UPRT: variants seen among roughly 807,000 people sequenced by gnomAD.
The protein encoded by UPRT is RP11-311P8.3.
Under a neutral mutation model 22.6 loss-of-function variants are expected in UPRT, and 5 were observed. The ratio of observed to expected loss-of-function variants is 0.22; its 90% confidence interval spans 0.12 to 0.47. UPRT has a LOEUF of 0.47. UPRT is among the 20% of genes least tolerant of loss of function. The probability of loss-of-function intolerance (pLI) is 0.99; values close to 1 mark genes in which losing one functional copy is unlikely to be tolerated. For missense variants in UPRT, 181 were observed against 239.9 expected (o/e 0.75, Z 1.62); for synonymous variants, 77 against 87.7 (o/e 0.88, Z 0.68).
intron 4 of UPRT, among the ~76,000 whole-genome samples, chrX:75,203,207 T>C (rs2082352189): frequency 9.0e-6 from 1 of 111,317 alleles, no homozygotes; most frequent in African/African-American, 3.3e-5. Context: ...AGAAGGGCCT[T>C]ACATAATGGT....
intron 4 of UPRT, among the ~76,000 whole-genome samples, chrX:75,236,938 G>C (rs1413361773): frequency 8.9e-6 from 1 of 112,216 alleles, no homozygotes; most frequent in Non-Finnish European, 1.9e-5. Flanking sequence ...AAAAGCCAAA[G>C]TTGACAAATG....
chrX:75,221,213 T>C (rs986355939), intron 4 of UPRT, among the ~76,000 whole-genome samples: 7 of 111,202 alleles, frequency 6.3e-5, no homozygotes, highest in African/African-American at 2.3e-4. Flanking sequence ...TTGTTTGTTT[T>C]TTTTTTCTTT....
intron 4 of UPRT, among the ~76,000 whole-genome samples, chrX:75,255,517 T>C (rs756688726): frequency 9.0e-6 from 1 of 111,665 alleles, no homozygotes; most frequent in African/African-American, 3.2e-5. Flanking sequence ...ATCTCAATAC[T>C]AACATTGAAT....
intron 4 of UPRT, among the ~76,000 whole-genome samples, chrX:75,170,943 G>A (rs1212554263): frequency 2.7e-5 from 3 of 111,567 alleles, no homozygotes; most frequent in South Asian, 3.8e-4. Context: ...AGAAATCTGC[G>A]TTATTCTGAT....
At chrX:75,159,048 G>T (rs2082191422) in intron 1 of UPRT, among the ~76,000 whole-genome samples, 1 of 111,646 alleles carries the variant, frequency 9.0e-6, no homozygotes, top group African/African-American at 3.3e-5. Flanking sequence ...CTGTACTATA[G>T]AACACTAGAT....
chrX:75,292,407 A>G (rs1362759997), intron 1 of UPRT, among the ~76,000 whole-genome samples: 1 of 111,692 alleles, frequency 9.0e-6, no homozygotes, highest in Non-Finnish European at 1.9e-5. Flanking sequence ...TGCTGTTGCT[A>G]AATTGTGGTT....
At position 75,299,860 on chromosome X, in the gene UPRT, T is replaced by A; in HGVS notation, c.688T>A (p.Tyr230Asn). ...TTATGCCAAATTCCCCCCAGACATTTACCGGAGAAAAGTCCTTCTGATGTA... is the reference window on the plus strand; with the variant it reads ...TTATGCCAAATTCCCCCCAGACATTAACCGGAGAAAAGTCCTTCTGATGTA... ...VYYAKFPPDIYRRKVLLMYPI... is the reference protein window; with the variant it reads ...VYYAKFPPDINRRKVLLMYPI... The change falls in exon 5 of 7, where the codon TAC becomes AAC. Residue 230 changes from tyrosine (Y) to asparagine (N), a missense_variant. This residue lies in a region of UPRT where 70 missense variants were observed against 137.0 expected (regional missense o/e 0.51). Coordinates refer to ENST00000373383, the MANE Select transcript of UPRT (RefSeq NM_145052.4). 8.3e-7 allele frequency: 1 copy of A among 1,211,815 alleles called. No individual in the cohort carries two copies. The highest frequency in any genetic ancestry group is 1.1e-6 in the Non-Finnish European group (1 of 895,508).
rs184564496 is a variant in UPRT at position 75,231,652 on chromosome X, G to T, written c.-446-59372G>T. On this transcript the variant is annotated intron_variant, in intron 4 of 13. Coordinates refer to the UPRT transcript ENST00000652605. ...CATCACCTAGGAACACAGTCATCAG[G>T]TTATCTAAAGTCAAGACAAAGAAAA... 2.7e-5 allele frequency among the ~76,000 whole-genome samples: 3 copies of T among 111,731 alleles called. No individual in the cohort carries two copies. In the East Asian group the frequency reaches 8.5e-4, roughly 31 times the overall value.
chrX:75,232,313 C>G (rs1360235851), intron 4 of UPRT, among the ~76,000 whole-genome samples: 4 of 112,629 alleles, frequency 3.6e-5, no homozygotes, highest in Non-Finnish European at 7.5e-5. Context: ...TTGCTGATTG[C>G]TAGCACAGCA....
At chrX:75,196,359 AT>A (rs2082332653) in intron 4 of UPRT, among the ~76,000 whole-genome samples, 1 of 111,724 alleles carries the variant, frequency 9.0e-6, no homozygotes, top group Admixed American at 9.5e-5. Flanking sequence ...TGTTTTGATA[AT>A]GAGTAAATTT....
intron 4 of UPRT, among the ~76,000 whole-genome samples, chrX:75,233,761 G>T (rs1426951917): frequency 1.8e-5 from 2 of 110,758 alleles, no homozygotes; most frequent in Admixed American, 9.6e-5. Context: ...CACCAGGCCT[G>T]CCCTAAAAGA....
At chrX:75,193,086 T>A (rs772066022) in intron 4 of UPRT, among the ~76,000 whole-genome samples, 23 of 112,359 alleles carry the variant, frequency 2.0e-4, no homozygotes, top group Non-Finnish European at 4.3e-4. Flanking sequence ...TTAAGTATGT[T>A]TTTGTAGTTG....
At chrX:75,178,902 T>C (rs932567876) in intron 4 of UPRT, among the ~76,000 whole-genome samples, 2 of 111,958 alleles carry the variant, frequency 1.8e-5, no homozygotes, top group African/African-American at 3.2e-5. Flanking sequence ...TTTTATTCTC[T>C]TATCTGGCCT....
chrX:75,256,972 C>T (rs992593867), intron 4 of UPRT, among the ~76,000 whole-genome samples: 5 of 111,893 alleles, frequency 4.5e-5, no homozygotes, highest in Non-Finnish European at 9.4e-5. Context: ...CCTACTGACA[C>T]TATTCCACAA....
intron 4 of UPRT, among the ~76,000 whole-genome samples, chrX:75,202,512 A>T (rs1259384421): frequency 8.9e-6 from 1 of 112,431 alleles, no homozygotes; most frequent in Non-Finnish European, 1.9e-5. Flanking sequence ...TAAATAAAAA[A>T]GGAGAAAAAA....
chrX:75,224,895 C>T (rs1405296154), intron 4 of UPRT, among the ~76,000 whole-genome samples: 1 of 111,572 alleles, frequency 9.0e-6, no homozygotes, highest in African/African-American at 3.3e-5. Flanking sequence ...GCAAATAAAT[C>T]AAGCTCCTTG....
chrX:75,161,959 G>T (rs1030021827), intron 2 of UPRT, among the ~76,000 whole-genome samples: 2 of 111,300 alleles, frequency 1.8e-5, no homozygotes, highest in African/African-American at 6.5e-5. Flanking sequence ...AATCTTGTGG[G>T]AATTTCGTAG....
chrX:75,168,790 A>G (rs1412981229), intron 4 of UPRT, among the ~76,000 whole-genome samples: 1 of 111,433 alleles, frequency 9.0e-6, no homozygotes, highest in Non-Finnish European at 1.9e-5. Context: ...AGGCCTCCCA[A>G]AGTGCTGGGA....
rs1308436268 is a variant in UPRT at position 75,184,164 on chromosome X, G to A, written c.-447+16285G>A. Among the ~76,000 whole-genome samples, 6 of 111,014 alleles carry A rather than the reference G, an allele frequency of 5.4e-5. No individual in the cohort carries two copies. In the East Asian group the frequency reaches 8.4e-4, roughly 16 times the overall value. The stretch of plus-strand genomic sequence containing the variant: ...GGGTTTTTATGGTTTTAGGTCGAAC[G>A]TTTAAGTCTTTAATCCATCTTGAAT... On this transcript the variant is annotated intron_variant, in intron 4 of 13. Coordinates refer to the UPRT transcript ENST00000652605.
Sources: gnomAD v4.1 joint callset for allele counts (sites outside exome capture counted in the v4.1 genomes callset) on GRCh38, gnomAD v4.1.1 for gene constraint, gnomAD v4.1.1 regional missense constraint, MANE v1.5 for transcripts, NCBI Gene and HGNC (gene_info 2026-07-23, HGNC 2026-07-21) for gene names.